Variants in SLCO3A1 observed in about 807,000 individuals in gnomAD.
SLCO3A1 encodes solute carrier organic anion transporter family member 3A1.
Under a neutral mutation model 63.1 loss-of-function variants are expected in SLCO3A1, and 27 were observed. The ratio of observed to expected loss-of-function variants is 0.43; its 90% CI spans 0.32 to 0.59. The LOEUF (loss-of-function observed/expected upper bound fraction) is 0.59, where lower values mean the gene tolerates loss of function less well. Among genes scored for constraint, SLCO3A1 ranks in the 20% least tolerant of loss-of-function variants. The pLI is 0.09. For synonymous variants in SLCO3A1, 473 were observed against 409.9 expected, an observed-to-expected ratio of 1.15 and a Z score of -1.86; for missense variants, 773 against 945.8, an observed-to-expected ratio of 0.82 and a Z score of 2.40.
chr15:92,039,794 A>G (rs1198481787), intron 2 of SLCO3A1, among the ~76,000 whole-genome samples: 2 of 152,222 alleles, frequency 1.3e-5, no homozygotes, highest in African/African-American at 4.8e-5. Flanking sequence ...TGTTTACAAT[A>G]GCAAAGACAT....
chr15:91,914,668 C>G (rs1453974931), intron 1 of SLCO3A1, among the ~76,000 whole-genome samples: 1 of 149,294 alleles, frequency 6.7e-6, no homozygotes, highest in East Asian at 2.0e-4. Flanking sequence ...CTCCAGGGTT[C>G]AAGCAATTCT....
At chr15:92,118,435 T>A (rs1223710487) in intron 4 of SLCO3A1, among the ~76,000 whole-genome samples, 1 of 151,054 alleles carries the variant, frequency 6.6e-6, no homozygotes, top group Non-Finnish European at 1.5e-5. Context: ...CTGTGTAGAT[T>A]TTCATTCTTG....
chr15:92,010,439 C>T (rs2046356781), intron 2 of SLCO3A1, among the ~76,000 whole-genome samples: 1 of 152,108 alleles, frequency 6.6e-6, no homozygotes, highest in African/African-American at 2.4e-5. Context: ...GTCTAGGGAC[C>T]CTTTTTCACT....
chr15:91,999,776 C>T (rs1001643289), intron 2 of SLCO3A1, among the ~76,000 whole-genome samples: 3 of 152,126 alleles, frequency 2.0e-5, no homozygotes, highest in Non-Finnish European at 4.4e-5. Context: ...GGCAACAGAG[C>T]GAGAGACCCT....
intron 4 of SLCO3A1, among the ~76,000 whole-genome samples, chr15:92,108,715 G>C (rs2047694228): frequency 6.6e-6 from 1 of 152,144 alleles, no homozygotes; most frequent in South Asian, 2.1e-4. Context: ...GCTCTGTACA[G>C]TTCCTGGAAT....
rs1897656207 is a variant in SLCO3A1, at chr15:91,883,762, C to T, written c.180+29674C>T. ...TGAAGTAGAAGTGTGTTTGTAATAT[C>T]CTACTTACCGATAGTAGTGTAGCAT... On this transcript the variant is annotated intron_variant, in intron 1 of 9. Coordinates refer to ENST00000318445, the MANE Select transcript of SLCO3A1 (RefSeq NM_013272.4). The surrounding 1 kb of genome is among the most constrained non-coding windows in gnomAD (Gnocchi z 4.8). Among the ~76,000 whole-genome samples the T allele has an allele frequency of 6.6e-6, 1 of 152,150 alleles. No individual in the cohort carries two copies. Among genetic ancestry groups the T allele is most frequent in the Non-Finnish European group, 1.5e-5 (1 of 68,034 alleles).
rs1358601721 is a variant in SLCO3A1 at position 92,163,555 on chromosome 15, TTAA to T, written c.*421_*423del. The T allele has an allele frequency of 1.3e-4, 71 of 552,578 alleles. No individual in the cohort carries two copies. In the African/African-American group the frequency reaches 3.7e-3, roughly 29 times the overall value. 34.2% of individuals were successfully genotyped at this position (552,578 alleles called of 1,614,324 possible). On this transcript the variant is annotated 3_prime_UTR_variant, in exon 10 of 10. Coordinates refer to ENST00000318445, the MANE Select transcript of SLCO3A1 (RefSeq NM_013272.4). Reference sequence around the variant, plus strand: ...AAGAAGTTTCCTAAAATAAAAAAAATTAAAAAAAAAAAACCCACAAGTTGAAAA... The same window carrying T: ...AAGAAGTTTCCTAAAATAAAAAAAATAAAAAAAAAACCCACAAGTTGAAAA...
At chr15:91,973,454 G>T (rs771316114) in intron 2 of SLCO3A1, among the ~76,000 whole-genome samples, 1 of 152,212 alleles carries the variant, frequency 6.6e-6, no homozygotes, top group Non-Finnish European at 1.5e-5. Context: ...TTAGTTGGTG[G>T]CTGACTGGAA....
intron 2 of SLCO3A1, among the ~76,000 whole-genome samples, chr15:91,975,254 G>A (rs560774617): frequency 2.1e-5 from 3 of 143,528 alleles, no homozygotes; most frequent in Non-Finnish European, 3.1e-5. Context: ...TGACAGGTGC[G>A]CATTTTAAAA....
intron 2 of SLCO3A1, among the ~76,000 whole-genome samples, chr15:92,038,186 A>G (rs891994188): frequency 2.0e-5 from 3 of 152,168 alleles, no homozygotes; most frequent in Non-Finnish European, 4.4e-5. Context: ...CCTCATGTTT[A>G]AAATGGAGAT....
chr15:92,152,025 TAGAA>T (rs1308545630), intron 9 of SLCO3A1, among the ~76,000 whole-genome samples: 2 of 152,200 alleles, frequency 1.3e-5, no homozygotes, highest in Non-Finnish European at 2.9e-5. Flanking sequence ...AATATAGACT[TAGAA>T]AGGGCATGTG....
At chr15:91,919,681 A>G (rs888412128) in intron 2 of SLCO3A1, among the ~76,000 whole-genome samples, 1 of 152,026 alleles carries the variant, frequency 6.6e-6, no homozygotes, top group South Asian at 2.1e-4. Context: ...TCAGAACACA[A>G]GTCGTATTTG....
At chr15:92,113,392 G>A (rs976176297) in intron 4 of SLCO3A1, among the ~76,000 whole-genome samples, 5 of 152,210 alleles carry the variant, frequency 3.3e-5, no homozygotes, top group South Asian at 2.1e-4. Flanking sequence ...GAATTGATGG[G>A]GGAGTTATCC....
chr15:92,146,833 TA>T, intron 7 of SLCO3A1, 150 bp from the exon 8 acceptor site: 2 of 654,274 alleles, frequency 3.1e-6, no homozygotes, highest in Non-Finnish European at 5.1e-6. Flanking sequence ...GCAGCCTCCT[TA>T]AAAAAGCTAA....
intron 2 of SLCO3A1, among the ~76,000 whole-genome samples, chr15:92,029,755 A>G (rs1464414229): frequency 6.8e-6 from 1 of 146,808 alleles, no homozygotes; most frequent in African/African-American, 2.6e-5. Flanking sequence ...GGAAAGGTGA[A>G]TGGCCTCTGG....
chr15:92,035,259 C>T (rs1247970387), intron 2 of SLCO3A1, among the ~76,000 whole-genome samples: 1 of 151,776 alleles, frequency 6.6e-6, no homozygotes, highest in African/African-American at 2.4e-5. Context: ...ATCAAAATTG[C>T]TCTGTGCTGT....
intron 3 of SLCO3A1, among the ~76,000 whole-genome samples, chr15:92,103,335 GAGAA>G (rs1022333266): frequency 6.6e-6 from 1 of 152,140 alleles, no homozygotes; most frequent in Non-Finnish European, 1.5e-5. Context: ...TGTAAAGAGA[GAGAA>G]AGAAAAAAAC....
In SLCO3A1 at chr15:92,150,966, C is replaced by G; in HGVS notation, c.1705C>G (p.Leu569Val). The change falls in exon 9 of 10, where the codon CTC becomes GTC. Residue 569 changes from leucine (L) to valine (V), a missense_variant. By Grantham distance (32) the Leu-to-Val change is conservative. This residue lies in a region of SLCO3A1 where 565 missense variants were observed against 749.8 expected (regional missense o/e 0.75). Transcript: ENST00000318445. ...IILIRTVSPE[L>V]KSYALGVLFL... is the part of the protein sequence containing the mutation. ...TGCACGTAGGACAGTCAGCCCTGAA[C>G]TCAAGTCTTACGCTTTGGGAGTTCT... 6.2e-7 allele frequency: 1 copy of G among 1,612,500 alleles called. No individual in the cohort carries two copies. The highest frequency in any genetic ancestry group is 8.5e-7 in the Non-Finnish European group (1 of 1,179,306).
At chr15:91,932,900 A>C (rs913093875) in intron 2 of SLCO3A1, among the ~76,000 whole-genome samples, 3 of 152,158 alleles carry the variant, frequency 2.0e-5, no homozygotes, top group Admixed American at 2.0e-4. Context: ...CCATCATGGG[A>C]CACATGTAGC....
Sources: allele counts gnomAD v4.1 joint callset (sites outside exome capture counted in the v4.1 genomes callset), GRCh38; gene constraint gnomAD v4.1.1; regional missense constraint gnomAD v4.1.1; non-coding constraint Gnocchi (gnomAD v3.1); transcripts MANE v1.5; gene names NCBI Gene and HGNC (gene_info 2026-07-23, HGNC 2026-07-21).